NDUFS4: variants seen among roughly 807,000 people sequenced by gnomAD.
NDUFS4 encodes NADH dehydrogenase [ubiquinone] iron-sulfur protein 4, mitochondrial.
Under a neutral mutation model 24.3 loss-of-function variants are expected in NDUFS4, and 28 were observed. That is an observed-to-expected ratio of 1.15 (90% CI 0.85 to 1.58). The LOEUF (loss-of-function observed/expected upper bound fraction) is 1.58, where lower values mean the gene tolerates loss of function less well. NDUFS4 is among the 40% of genes most tolerant of loss of function. NDUFS4 has a pLI of 0.00. For missense variants in NDUFS4, 223 were observed against 207.9 expected (o/e 1.07, Z -0.45); for synonymous variants, 93 against 69.7 (o/e 1.34, Z -1.67).
intron 1 of NDUFS4, among the ~76,000 whole-genome samples, chr5:53,597,815 C>T (rs917192609): frequency 6.6e-6 from 1 of 152,048 alleles, no homozygotes; most frequent in African/African-American, 2.4e-5. Flanking sequence ...AATGAAAGGA[C>T]AAGCCACAGA....
intron 2 of NDUFS4, among the ~76,000 whole-genome samples, chr5:53,626,060 T>TGGGTTGTGATGTTCCCC (rs976730718): frequency 2.6e-5 from 4 of 151,924 alleles, no homozygotes; most frequent in Non-Finnish European, 5.9e-5. Context: ...TGATGGGCCC[T>TGGGTTGTGATGTTCCCC]GGGTTGTGAT....
chr5:53,639,238 T>G (rs1751639259), intron 2 of NDUFS4, among the ~76,000 whole-genome samples: 1 of 151,774 alleles, frequency 6.6e-6, no homozygotes, highest in Non-Finnish European at 1.5e-5. Context: ...TATTAGAATT[T>G]TAATACTTAG....
chr5:53,589,680 C>G (rs1579843572), intron 1 of NDUFS4, among the ~76,000 whole-genome samples: 2 of 152,008 alleles, frequency 1.3e-5, no homozygotes, highest in East Asian at 3.9e-4. Context: ...GAGGGTGTTG[C>G]CAAAGGAGAT....
chr5:53,575,723 T>G (rs1749364333), intron 1 of NDUFS4, among the ~76,000 whole-genome samples: 1 of 151,764 alleles, frequency 6.6e-6, no homozygotes, highest in Non-Finnish European at 1.5e-5. Flanking sequence ...TGTATTTTTG[T>G]AGAGATGGGG....
At chr5:53,575,530 C>CTTTTTTT (rs36051026) in intron 1 of NDUFS4, among the ~76,000 whole-genome samples, 1 of 76,118 alleles carries the variant, frequency 1.3e-5, no homozygotes, top group African/African-American at 5.8e-5. Context: ...TGATCAGATT[C>CTTTTTTT]TTTTTTTTTT....
intron 4 of NDUFS4, among the ~76,000 whole-genome samples, chr5:53,681,593 T>G (rs1050507612): frequency 2.6e-5 from 4 of 152,140 alleles, no homozygotes; most frequent in Admixed American, 2.0e-4. Flanking sequence ...GTAACTTTAA[T>G]GGATAAGAAA....
chr5:53,565,825 C>T (rs925390198), intron 1 of NDUFS4, among the ~76,000 whole-genome samples: 1 of 152,148 alleles, frequency 6.6e-6, no homozygotes, highest in Non-Finnish European at 1.5e-5. Context: ...GGAAAGGGTA[C>T]CCTTGGAACA....
chr5:53,680,695 TG>T (rs1161382652), intron 4 of NDUFS4, among the ~76,000 whole-genome samples: 2 of 146,430 alleles, frequency 1.4e-5, no homozygotes, highest in Non-Finnish European at 3.0e-5. Context: ...GGGACTGTTG[TG>T]GGGTGGGGGG....
chr5:53,621,689 A>C (rs1160951178), intron 2 of NDUFS4, among the ~76,000 whole-genome samples: 1 of 135,862 alleles, frequency 7.4e-6, no homozygotes, highest in African/African-American at 2.8e-5. Flanking sequence ...CCTCATAGTA[A>C]ATTTTTTTTT....
At chr5:53,601,578 T>C (rs1392295777) in intron 1 of NDUFS4, among the ~76,000 whole-genome samples, 1 of 152,186 alleles carries the variant, frequency 6.6e-6, no homozygotes, top group Non-Finnish European at 1.5e-5. Flanking sequence ...ATCTAACAGG[T>C]CTCTTCATTT....
intron 2 of NDUFS4, among the ~76,000 whole-genome samples, chr5:53,622,784 G>T (rs1283297647): frequency 6.6e-6 from 1 of 152,056 alleles, no homozygotes; most frequent in Non-Finnish European, 1.5e-5. Context: ...CAATTCAGTG[G>T]CATTAACCAC....
At chr5:53,573,703 C>G in intron 1 of NDUFS4, 1 of 342,778 alleles carries the variant, frequency 2.9e-6, no homozygotes, top group Non-Finnish European at 5.7e-6. Flanking sequence ...GTCCTCCCAC[C>G]TCAGCCTCCC....
chr5:53,614,172 A>G (rs1440050688), intron 2 of NDUFS4, among the ~76,000 whole-genome samples: 3 of 151,914 alleles, frequency 2.0e-5, no homozygotes, highest in Non-Finnish European at 4.4e-5. Flanking sequence ...AACTATGATG[A>G]TCATTAAAAC....
At chr5:53,607,922 T>C (rs1346344280) in intron 2 of NDUFS4, among the ~76,000 whole-genome samples, 1 of 152,200 alleles carries the variant, frequency 6.6e-6, no homozygotes, top group Non-Finnish European at 1.5e-5. Flanking sequence ...TTTTCAAAAA[T>C]AGAGTTTTTT....
chr5:53,636,751 G>A (rs1005957076), intron 2 of NDUFS4, among the ~76,000 whole-genome samples: 13 of 152,106 alleles, frequency 8.5e-5, no homozygotes, highest in South Asian at 4.1e-4. Flanking sequence ...TCTCGAATAG[G>A]TTAGCACCAT....
At chr5:53,626,118 T>C (rs1164585925) in intron 2 of NDUFS4, among the ~76,000 whole-genome samples, 2 of 152,178 alleles carry the variant, frequency 1.3e-5, no homozygotes, top group Admixed American at 6.5e-5. Flanking sequence ...CTCCCACTTA[T>C]GAGTGAGAAC....
At chr5:53,667,007 G>T (rs1406722211) in intron 4 of NDUFS4, among the ~76,000 whole-genome samples, 4 of 152,072 alleles carry the variant, frequency 2.6e-5, no homozygotes, top group Non-Finnish European at 4.4e-5. Flanking sequence ...CTCCTCTCCT[G>T]GGAAAGTCCT....
chr5:53,620,293 T>C (rs1750993554), intron 2 of NDUFS4, among the ~76,000 whole-genome samples: 1 of 152,176 alleles, frequency 6.6e-6, no homozygotes, highest in African/African-American at 2.4e-5. Context: ...ACAGGGGGCA[T>C]GTAGCAAATT....
chr5:53,669,357 C>T (rs939289460), intron 4 of NDUFS4, among the ~76,000 whole-genome samples: 4 of 152,090 alleles, frequency 2.6e-5, no homozygotes, highest in Admixed American at 6.5e-5. Flanking sequence ...TACTTTCTGC[C>T]CTTACATTCC....
Sources: allele counts gnomAD v4.1 joint callset (sites outside exome capture counted in the v4.1 genomes callset), GRCh38; gene constraint gnomAD v4.1.1; transcripts MANE v1.5; gene names NCBI Gene and HGNC (gene_info 2026-07-23, HGNC 2026-07-21).